PKIG: variants seen among roughly 807,000 people sequenced by gnomAD.
PKIG encodes cAMP-dependent protein kinase inhibitor gamma, also known as protein kinase (cAMP-dependent, catalytic) inhibitor gamma.
In PKIG, 1 loss-of-function variant was observed where a neutral mutation model predicts 6.8. The observed-to-expected ratio is 0.15, with a 90% CI of 0.05 to 0.69. The LOEUF is 0.69. Among genes scored for constraint, PKIG ranks in the 30% least tolerant of loss-of-function variants. The pLI is 0.82. For missense variants in PKIG, 77 were observed against 104.0 expected (o/e 0.74, Z 1.13); for synonymous variants, 39 against 43.0 (o/e 0.91, Z 0.36).
intron 1 of PKIG, among the ~76,000 whole-genome samples, chr20:44,558,610 C>CTTTCTTTCTTTCTTTCT (rs1304464832): frequency 2.9e-4 from 42 of 143,682 alleles, no homozygotes; most frequent in Non-Finnish European, 5.3e-4. Context: ...TTCTTTCTTT[C>CTTTCTTTCTTTCTTTCT]TTTCTCATTC....
At chr20:44,581,547 C>G (rs2064948438), upstream of PKIG, among the ~76,000 whole-genome samples, 1 of 152,212 alleles carries the variant, frequency 6.6e-6, no homozygotes, top group African/African-American at 2.4e-5. Flanking sequence ...TCTTTACCAT[C>G]AAGCACTCTC....
intron 2 of PKIG, among the ~76,000 whole-genome samples, chr20:44,612,811 C>G (rs1054969039): frequency 2.6e-5 from 4 of 152,146 alleles, no homozygotes; most frequent in African/African-American, 9.7e-5. Flanking sequence ...TAGGGATATA[C>G]TCTCAGGAAA....
intron 1 of PKIG, among the ~76,000 whole-genome samples, chr20:44,534,062 C>T (rs2064491451): frequency 6.6e-6 from 1 of 152,074 alleles, no homozygotes; most frequent in Non-Finnish European, 1.5e-5. Context: ...GTGTAGGCAG[C>T]TCAGAGAAGT....
chr20:44,545,046 C>T (rs2064600766), intron 1 of PKIG, among the ~76,000 whole-genome samples: 1 of 150,544 alleles, frequency 6.6e-6, no homozygotes, highest in Non-Finnish European at 1.5e-5. Flanking sequence ...AGCAATTCCC[C>T]TGCCTCAGCT....
At chr20:44,548,887 C>T (rs1477222355) in intron 1 of PKIG, among the ~76,000 whole-genome samples, 1 of 145,520 alleles carries the variant, frequency 6.9e-6, no homozygotes, top group East Asian at 2.0e-4. Flanking sequence ...CACACACACA[C>T]ACACACACAC....
At chr20:44,584,159 A>G (rs1717788620) in intron 1 of PKIG, among the ~76,000 whole-genome samples, 1 of 152,166 alleles carries the variant, frequency 6.6e-6, no homozygotes, top group South Asian at 2.1e-4. Context: ...ACAACCATCT[A>G]CTTATATGTT....
intron 1 of PKIG, among the ~76,000 whole-genome samples, chr20:44,571,224 A>AAATAATAATAATAATAATAAT (rs140802204): frequency 3.0e-4 from 45 of 150,196 alleles, no homozygotes; most frequent in South Asian, 1.3e-3. Context: ...AGAGAGACTC[A>AAATAATAATAATAATAATAAT]AATAATAATA....
At position 44,614,493 on chromosome 20, in the gene PKIG, A is replaced by T; in HGVS notation, c.-23-41A>T. 6.7e-7 allele frequency: 1 copy of T among 1,502,530 alleles called. No individual in the cohort carries two copies. Among genetic ancestry groups the T allele is most frequent in the Non-Finnish European group, 9.2e-7 (1 of 1,086,900 alleles). 93.1% of individuals were successfully genotyped at this position (1,502,530 alleles called of 1,614,324 possible). Reference sequence around the variant, plus strand: ...TGGAGCTGTCCTCTCTGCAGAATGCATCTGGACTTACCTCTGCCCCCTTGC... The same window carrying T: ...TGGAGCTGTCCTCTCTGCAGAATGCTTCTGGACTTACCTCTGCCCCCTTGC... On this transcript the variant is annotated intron_variant, in intron 2 of 3. Transcript: ENST00000372886. The surrounding 1 kb of genome is among the most constrained non-coding windows in gnomAD (Gnocchi z 4.6).
intron 2 of PKIG, among the ~76,000 whole-genome samples, chr20:44,608,928 G>A (rs183379619): frequency 6.6e-6 from 1 of 152,272 alleles, no homozygotes; most frequent in African/African-American, 2.4e-5. Context: ...AAAAAGTTGA[G>A]GTTTCTGGAT....
intron 2 of PKIG, among the ~76,000 whole-genome samples, chr20:44,610,862 ATTTC>A (rs1300905377): frequency 6.6e-6 from 1 of 151,412 alleles, no homozygotes; most frequent in Non-Finnish European, 1.5e-5. Flanking sequence ...CATCTGGCAC[ATTTC>A]TTTATTATTT....
chr20:44,604,477 A>G (rs915369111), intron 2 of PKIG, among the ~76,000 whole-genome samples: 8 of 152,264 alleles, frequency 5.3e-5, no homozygotes, highest in Non-Finnish European at 1.0e-4. Flanking sequence ...TTAGAGAAAC[A>G]TTAGAAGAGA....
chr20:44,553,888 G>A (rs1455807612), intron 1 of PKIG, among the ~76,000 whole-genome samples: 2 of 151,984 alleles, frequency 1.3e-5, no homozygotes, highest in Non-Finnish European at 2.9e-5. Flanking sequence ...GGGGAATGTG[G>A]GGTTGGCTGA....
intron 1 of PKIG, among the ~76,000 whole-genome samples, chr20:44,535,174 G>GCCACA (rs1332109412): frequency 6.6e-6 from 1 of 152,140 alleles, no homozygotes; most frequent in African/African-American, 2.4e-5. Flanking sequence ...ACCCAGCTTA[G>GCCACA]CCACACAGAG....
rs578104571 is a variant in PKIG at position 44,613,035 on chromosome 20, T to A, written c.-23-1499T>A. On this transcript the variant is annotated intron_variant, in intron 2 of 3. Coordinates refer to ENST00000372886, the MANE Select transcript of PKIG (RefSeq NM_001281445.2). ...GTAGGCTACAAAACACAACATAAGG[T>A]ATGGTCCCAAATCATTTCTAAATGT... 2.0e-5 allele frequency among the ~76,000 whole-genome samples: 3 copies of A among 152,328 alleles called. 1 individual carries two copies. The highest frequency in any genetic ancestry group is 7.2e-5 in the African/African-American group (3 of 41,570).
intron 1 of PKIG, among the ~76,000 whole-genome samples, chr20:44,584,933 A>G (rs2064977883): frequency 6.6e-6 from 1 of 152,012 alleles, no homozygotes; most frequent in African/African-American, 2.4e-5. Flanking sequence ...GGCACTTCTA[A>G]AGCTGCAGTC....
intron 2 of PKIG, among the ~76,000 whole-genome samples, chr20:44,592,128 C>T (rs2065038781): frequency 6.6e-6 from 1 of 152,214 alleles, no homozygotes; most frequent in Non-Finnish European, 1.5e-5. Flanking sequence ...TTCTCAGCCT[C>T]ATTTAGTTTG....
chr20:44,534,428 A>G (rs1180974040), intron 1 of PKIG, among the ~76,000 whole-genome samples: 1 of 151,912 alleles, frequency 6.6e-6, no homozygotes, highest in Non-Finnish European at 1.5e-5. Flanking sequence ...GATAGCAGGC[A>G]TTTATTGAAC....
intron 1 of PKIG, among the ~76,000 whole-genome samples, chr20:44,558,294 T>G (rs2064732623): frequency 1.3e-5 from 2 of 152,242 alleles, no homozygotes; most frequent in African/African-American, 4.8e-5. Context: ...CTTTAACCCT[T>G]ATAATAATCC....
upstream of PKIG, among the ~76,000 whole-genome samples, chr20:44,580,630 G>A (rs2064939835): frequency 6.6e-6 from 1 of 151,904 alleles, no homozygotes; most frequent in South Asian, 2.1e-4. Context: ...TTACAGGTGT[G>A]AGCCACCGCG....
Sources: allele counts gnomAD v4.1 joint callset (sites outside exome capture counted in the v4.1 genomes callset), GRCh38; gene constraint gnomAD v4.1.1; non-coding constraint Gnocchi (gnomAD v3.1); transcripts MANE v1.5; gene names NCBI Gene and HGNC (gene_info 2026-07-23, HGNC 2026-07-21).